Variants in KDM4C observed in about 807,000 individuals in gnomAD.
KDM4C encodes lysine-specific demethylase 4C.
A neutral mutation model predicts 129.3 loss-of-function variants in KDM4C; 81 were observed. That is an observed-to-expected ratio of 0.63 (90% CI 0.52 to 0.75). The LOEUF (loss-of-function observed/expected upper bound fraction) is 0.75. Ranked by LOEUF, KDM4C falls within the 30% of genes least tolerant of loss-of-function variation. KDM4C has a pLI of 0.00. For synonymous variants in KDM4C, 573 were observed against 456.1 expected, an observed-to-expected ratio of 1.26 and a Z score of -3.26; for missense variants, 1,457 against 1,304.0, an observed-to-expected ratio of 1.12 and a Z score of -1.81.
Position 7,104,776 on chromosome 9 carries a change from A to G in KDM4C, c.2610+906A>G, listed in dbSNP as rs186860108. Among the ~76,000 whole-genome samples the G allele has an allele frequency of 2.1e-3, 326 of 152,334 alleles. 1 individual carries two copies. Among genetic ancestry groups the G allele is most frequent in the Non-Finnish European group, 4.1e-3 (280 of 68,012 alleles). Reference sequence around the variant, plus strand: ...TTGGCCACAGGCTATTAGCAGCCTAACATGCTTCTCCTATGTCCCTAATAA... The same window carrying G: ...TTGGCCACAGGCTATTAGCAGCCTAGCATGCTTCTCCTATGTCCCTAATAA... On this transcript the variant is annotated intron_variant, in intron 18 of 21. Coordinates refer to ENST00000381309, the MANE Select transcript of KDM4C (RefSeq NM_015061.6).
intron 1 of KDM4C, among the ~76,000 whole-genome samples, chr9:6,743,511 CTT>C (rs765932331): frequency 1.3e-4 from 18 of 142,398 alleles, no homozygotes; most frequent in Admixed American, 2.1e-4. Flanking sequence ...TTTCTGCTTC[CTT>C]TTTTTTTTTT....
chr9:7,073,398 A>T (rs1178768985), intron 17 of KDM4C, among the ~76,000 whole-genome samples: 1 of 152,138 alleles, frequency 6.6e-6, no homozygotes, highest in Non-Finnish European at 1.5e-5. Flanking sequence ...CTCTTATTTT[A>T]TATGTTATAT....
At chr9:6,777,426 C>T (rs903951829) in intron 1 of KDM4C, among the ~76,000 whole-genome samples, 2 of 152,202 alleles carry the variant, frequency 1.3e-5, no homozygotes, top group African/African-American at 4.8e-5. Flanking sequence ...AAGAGTCTTC[C>T]TTCAGCTTCA....
intron 12 of KDM4C, among the ~76,000 whole-genome samples, chr9:7,011,071 AAT>A (rs1213709273): frequency 2.6e-5 from 4 of 152,112 alleles, no homozygotes; most frequent in African/African-American, 4.8e-5. Context: ...AAGAAAAAGA[AAT>A]ATACATTTTA....
At position 6,990,491 on chromosome 9, in the gene KDM4C, A is replaced by G. The variant is rs1474540607; in HGVS notation, c.1753A>G (p.Thr585Ala). The G allele has an allele frequency of 1.2e-6, 2 of 1,612,642 alleles. No individual in the cohort carries two copies. The highest frequency in any genetic ancestry group is 1.3e-5 in the African/African-American group (1 of 74,614). The change falls in exon 12 of 22, where the codon ACT becomes GCT. Residue 585 changes from threonine to alanine, a missense_variant. By Grantham distance (58) the Thr-to-Ala change is moderately conservative. Coordinates refer to ENST00000381309, the MANE Select transcript of KDM4C (RefSeq NM_015061.6). ...LSRPPARSPM[T>A]LVKQQAPSDE... Reference sequence around the variant, plus strand: ...CAGGCCTCCAGCAAGATCTCCGATGACTCTTGTGAAGCAGCAGGCGCCAAG... The same window carrying G: ...CAGGCCTCCAGCAAGATCTCCGATGGCTCTTGTGAAGCAGCAGGCGCCAAG...
At chr9:6,871,016 C>A (rs1256097995) in intron 5 of KDM4C, among the ~76,000 whole-genome samples, 1 of 152,150 alleles carries the variant, frequency 6.6e-6, no homozygotes, top group Non-Finnish European at 1.5e-5. Flanking sequence ...CCTGTGACAG[C>A]CCTGTGACAG....
At chr9:6,979,618 C>G (rs1376023503) in intron 8 of KDM4C, among the ~76,000 whole-genome samples, 1 of 152,072 alleles carries the variant, frequency 6.6e-6, no homozygotes, top group Non-Finnish European at 1.5e-5. Flanking sequence ...CCTTATTGAA[C>G]TCAGGAATGA....
intron 4 of KDM4C, among the ~76,000 whole-genome samples, chr9:6,839,650 TA>T (rs1836547429): frequency 6.6e-6 from 1 of 152,094 alleles, no homozygotes; most frequent in African/African-American, 2.4e-5. Flanking sequence ...CTCGTGCCTA[TA>T]ATCTCAGCAC....
intron 19 of KDM4C, among the ~76,000 whole-genome samples, chr9:7,154,084 G>A (rs753189124): frequency 6.6e-6 from 1 of 152,210 alleles, no homozygotes; most frequent in Non-Finnish European, 1.5e-5. Flanking sequence ...GGAAGCTGGG[G>A]AAGGGAGTGT....
chr9:6,925,980 A>T (rs1589138056), intron 8 of KDM4C, among the ~76,000 whole-genome samples: 2 of 152,094 alleles, frequency 1.3e-5, no homozygotes, highest in African/African-American at 4.8e-5. Context: ...TCCGTAAAGT[A>T]CCCTGGATTC....
chr9:6,838,925 G>A (rs10975841), intron 4 of KDM4C, among the ~76,000 whole-genome samples: 49,559 of 152,058 alleles, frequency 0.33, 8,499 homozygotes, highest in East Asian at 0.41. Flanking sequence ...AGAAGGCACT[G>A]TTTTCTTTTA....
chr9:6,757,203 G>T (rs1818359458), upstream of KDM4C, among the ~76,000 whole-genome samples: 1 of 152,160 alleles, frequency 6.6e-6, no homozygotes, highest in African/African-American at 2.4e-5. Flanking sequence ...AGTCTCAGAC[G>T]CTGGAGGCAC....
At chr9:6,897,101 A>T (rs1410512288) in intron 8 of KDM4C, among the ~76,000 whole-genome samples, 1 of 152,146 alleles carries the variant, frequency 6.6e-6, no homozygotes, top group East Asian at 1.9e-4. Flanking sequence ...TATTTAGGAG[A>T]GGTGTCTGTC....
rs144142139 is a variant in KDM4C, at chr9:6,976,472, A to G, written c.922-4453A>G. The stretch of plus-strand genomic sequence containing the variant: ...ACTATTCAGAGGGCAATTTGTATTA[A>G]TAACATATAAACTGTTGGGTTCTTA... On this transcript the variant is annotated intron_variant, in intron 8 of 21. Coordinates refer to ENST00000381309, the MANE Select transcript of KDM4C (RefSeq NM_015061.6). Among the ~76,000 whole-genome samples the G allele has an allele frequency of 4.2e-3, 647 of 152,350 alleles. 6 individuals carry two copies. Among genetic ancestry groups the G allele is most frequent in the African/African-American group, 0.015 (619 of 41,582 alleles).
In KDM4C at chr9:6,903,838, T is replaced by G. The variant is rs1260207566; in HGVS notation, c.921+10606T>G. On this transcript the variant is annotated intron_variant, in intron 8 of 21. Coordinates refer to ENST00000381309, the MANE Select transcript of KDM4C (RefSeq NM_015061.6). ...AAAACTGTTAACAGTTCATTGTATA[T>G]CTCTTAAAATATCAGCATATATCTG... Among the ~76,000 whole-genome samples the G allele has an allele frequency of 5.9e-5, 9 of 152,228 alleles. No homozygotes were observed. The East Asian group carries it at 1.7e-3, about 29-fold the overall frequency.
At chr9:6,834,090 G>C (rs1353448576) in intron 4 of KDM4C, among the ~76,000 whole-genome samples, 1 of 131,406 alleles carries the variant, frequency 7.6e-6, no homozygotes, top group African/African-American at 2.9e-5. Context: ...CTAGGCTGGG[G>C]TGCAGTGATG....
In KDM4C at chr9:7,114,215, G is replaced by C. The variant is rs551010511; in HGVS notation, c.2610+10345G>C. On this transcript the variant is annotated intron_variant, in intron 18 of 21. Coordinates refer to ENST00000381309, the MANE Select transcript of KDM4C (RefSeq NM_015061.6). ...CATGGTAGTTAACATCTTGTAGTTT[G>C]GGAAGCACCTGTAAAATCTCTCTGC... 3.3e-5 allele frequency among the ~76,000 whole-genome samples: 5 copies of C among 152,196 alleles called. No individual in the cohort carries two copies. In the South Asian group the frequency reaches 1.0e-3, roughly 32 times the overall value.
At chr9:7,121,762 CA>C (rs1839513030) in intron 18 of KDM4C, among the ~76,000 whole-genome samples, 1 of 151,592 alleles carries the variant, frequency 6.6e-6, no homozygotes, top group Admixed American at 6.6e-5. Context: ...GGAAGTGCCT[CA>C]ACAAGTATCT....
In KDM4C at chr9:6,741,352, G is replaced by A. The variant is rs567682852; in HGVS notation, c.49+20355G>A. On this transcript the variant is annotated intron_variant, in intron 1 of 17. Coordinates refer to the KDM4C transcript ENST00000536108. ...GGAGGTTGCAGTGGGCAGAGATTGC[G>A]ACACTGCACTCCAGCCTGGGCAACA... is the stretch of plus-strand genomic sequence containing the variant. 5.9e-5 allele frequency among the ~76,000 whole-genome samples: 9 copies of A among 152,100 alleles called. No homozygotes were observed. In the South Asian group the frequency reaches 8.3e-4, roughly 14 times the overall value.
Sources: gnomAD v4.1 joint callset for allele counts (sites outside exome capture counted in the v4.1 genomes callset) on GRCh38, gnomAD v4.1.1 for gene constraint, MANE v1.5 for transcripts, NCBI Gene and HGNC (gene_info 2026-07-23, HGNC 2026-07-21) for gene names.